Variants in SENP6 observed in about 807,000 individuals in gnomAD.
SENP6 encodes sentrin-specific protease 6.
In SENP6, 41 loss-of-function variants were observed where a neutral mutation model predicts 134.5. The observed-to-expected ratio is 0.30, with a 90% CI of 0.24 to 0.40. The LOEUF is 0.40. Among genes scored for constraint, SENP6 ranks in the 10% least tolerant of loss-of-function variants. The pLI is 1.00. For synonymous variants in SENP6, 395 were observed against 429.8 expected (o/e 0.92, Z 1.00); for missense variants, 1,248 against 1,312.5 (o/e 0.95, Z 0.76).
At chr6:75,680,678 G>T (rs1390058802) in intron 16 of SENP6, among the ~76,000 whole-genome samples, 1 of 152,106 alleles carries the variant, frequency 6.6e-6, no homozygotes, top group Non-Finnish European at 1.5e-5. Context: ...ATGACCCCAA[G>T]GTAATTAAGT....
chr6:75,658,528 T>G (rs934877119), intron 7 of SENP6, among the ~76,000 whole-genome samples: 1 of 152,124 alleles, frequency 6.6e-6, no homozygotes, highest in Non-Finnish European at 1.5e-5. Flanking sequence ...CAGATTATGG[T>G]AAATTTTAAA....
intron 7 of SENP6, among the ~76,000 whole-genome samples, chr6:75,652,309 C>T (rs1034524360): frequency 1.3e-5 from 2 of 151,960 alleles, no homozygotes; most frequent in Non-Finnish European, 2.9e-5. Flanking sequence ...CCACGCCCAG[C>T]TGCAAATTTT....
intron 9 of SENP6, among the ~76,000 whole-genome samples, chr6:75,664,320 T>C (rs1772023547): frequency 6.6e-6 from 1 of 152,004 alleles, no homozygotes; most frequent in African/African-American, 2.4e-5. Flanking sequence ...TTTTAATATA[T>C]ACTTGTGTAG....
intron 6 of SENP6, among the ~76,000 whole-genome samples, chr6:75,645,864 T>C (rs1770396475): frequency 6.6e-6 from 1 of 152,222 alleles, no homozygotes; most frequent in Non-Finnish European, 1.5e-5. Flanking sequence ...TGGCCATAAA[T>C]TCTGGAAATA....
At chr6:75,675,389 C>T in intron 11 of SENP6, 46 bp from the exon 12 acceptor site, 1 of 1,108,330 alleles carries the variant, frequency 9.0e-7, no homozygotes, top group South Asian at 1.4e-5. Context: ...TGAAGCCTGC[C>T]TTTCTTTGTA....
chr6:75,604,203 T>C (rs577168133), intron 1 of SENP6, among the ~76,000 whole-genome samples: 4 of 152,360 alleles, frequency 2.6e-5, no homozygotes, highest in Non-Finnish European at 5.9e-5. Flanking sequence ...AGAGTTAATG[T>C]GAGTTTCAAA....
chr6:75,651,404 G>T (rs1197159869), intron 7 of SENP6, among the ~76,000 whole-genome samples: 4 of 152,116 alleles, frequency 2.6e-5, no homozygotes, highest in African/African-American at 7.2e-5. Context: ...CCCAGGCTTG[G>T]AGTACAGTGA....
chr6:75,624,905 G>A (rs898483979), intron 3 of SENP6, among the ~76,000 whole-genome samples: 2 of 152,162 alleles, frequency 1.3e-5, no homozygotes, highest in Admixed American at 1.3e-4. Context: ...AATCAAGGTG[G>A]GAGAATTGCT....
In SENP6 at chr6:75,603,485, G is replaced by T. The variant is rs1414828379; in HGVS notation, c.52+909G>T. On this transcript the variant is annotated intron_variant, in intron 1 of 23. Transcript: ENST00000447266. ...TGCTGCTCAGAGACTCATTCTTCTTGTTAAAAAGAATTAACTACTCTTTGG... is the reference window on the plus strand; with the variant it reads ...TGCTGCTCAGAGACTCATTCTTCTTTTTAAAAAGAATTAACTACTCTTTGG... Among the ~76,000 whole-genome samples, 3 of 152,112 alleles carry T rather than the reference G, an allele frequency of 2.0e-5. No individual in the cohort carries two copies. The South Asian group carries it at 6.2e-4, about 31-fold the overall frequency.
At chr6:75,623,836 C>A in intron 2 of SENP6, 64 bp from the exon 3 acceptor site, 2 of 1,415,248 alleles carry the variant, frequency 1.4e-6, no homozygotes, top group South Asian at 1.3e-5. Context: ...AGGATAAAAC[C>A]TCAGAATTTA....
At chr6:75,620,689 A>G (rs1028416317) in intron 1 of SENP6, 18 of 152,268 alleles carry the variant, frequency 1.2e-4, no homozygotes, top group Admixed American at 3.3e-4. Flanking sequence ...AGTTCAACTC[A>G]GAAAGCCAGA....
chr6:75,683,823 G>A (rs1773634701), intron 16 of SENP6, among the ~76,000 whole-genome samples: 1 of 152,162 alleles, frequency 6.6e-6, no homozygotes, highest in African/African-American at 2.4e-5. Context: ...TTTGAAGTCA[G>A]GTAGCGTGAT....
chr6:75,624,105 A>G, intron 3 of SENP6, 145 bp downstream of exon 3: 1 of 611,572 alleles, frequency 1.6e-6, no homozygotes, highest in Non-Finnish European at 2.8e-6. Context: ...TTTGTTATTT[A>G]TCACTTTGGG....
At chr6:75,675,598 A>T (rs576180057) in intron 12 of SENP6, 130 bp downstream of exon 12, 2 of 673,238 alleles carry the variant, frequency 3.0e-6, no homozygotes, top group Non-Finnish European at 4.9e-6. Context: ...CTTCTTATCA[A>T]AGGGCATATA....
At chr6:75,640,337 A>C (rs186852644) in intron 5 of SENP6, among the ~76,000 whole-genome samples, 5 of 152,334 alleles carry the variant, frequency 3.3e-5, no homozygotes, top group Admixed American at 2.0e-4. Context: ...ATTCGGTACT[A>C]TCATCAGTTT....
chr6:75,705,375 TCTC>T (rs1775318125), intron 19 of SENP6, among the ~76,000 whole-genome samples: 1 of 151,954 alleles, frequency 6.6e-6, no homozygotes, highest in Admixed American at 6.6e-5. Flanking sequence ...TAAAACCCCA[TCTC>T]TACTAAAAAT....
chr6:75,633,787 A>AG, intron 4 of SENP6, 61 bp downstream of exon 4: 1 of 1,470,360 alleles, frequency 6.8e-7, no homozygotes, highest in East Asian at 2.4e-5. Context: ...GACACCAAAA[A>AG]CTTAGAAGCT....
At chr6:75,662,600 T>A (rs1244514567) in intron 8 of SENP6, among the ~76,000 whole-genome samples, 2 of 152,248 alleles carry the variant, frequency 1.3e-5, no homozygotes, top group Admixed American at 6.5e-5. Context: ...AAATTTTTTT[T>A]ATCTTATTCA....
intron 5 of SENP6, among the ~76,000 whole-genome samples, chr6:75,638,598 A>G (rs1390790557): frequency 0.17 from 6,743 of 40,848 alleles, 671 homozygotes; most frequent in Non-Finnish European, 0.24. Flanking sequence ...GTGTATATAT[A>G]TATATATATA....
Sources: allele counts gnomAD v4.1 joint callset (sites outside exome capture counted in the v4.1 genomes callset), GRCh38; gene constraint gnomAD v4.1.1; transcripts MANE v1.5; gene names NCBI Gene and HGNC (gene_info 2026-07-23, HGNC 2026-07-21).